The following MEI4 variants were observed in gnomAD, a reference collection of about 807,000 sequenced individuals.
MEI4 encodes the protein meiotic double-stranded break formation protein 4, also known as meiosis-specific protein MEI4.
Under a neutral mutation model 31.4 loss-of-function variants are expected in MEI4, and 27 were observed. The observed-to-expected ratio is 0.86, with a 90% CI of 0.63 to 1.19. MEI4 has a LOEUF of 1.19. Ranked by LOEUF, MEI4 falls within the 50% of genes most tolerant of loss-of-function variation. MEI4 has a pLI of 0.00. For missense variants in MEI4, 329 were observed against 398.9 expected (o/e 0.82, Z 1.49); for synonymous variants, 122 against 145.4 (o/e 0.84, Z 1.16).
At chr6:77,702,582 G>C (rs887869503) in intron 2 of MEI4, among the ~76,000 whole-genome samples, 14 of 151,982 alleles carry the variant, frequency 9.2e-5, no homozygotes, top group Middle Eastern at 3.2e-3. Flanking sequence ...CCATTTCCTT[G>C]GTCATACTTA....
Position 77,677,439 on chromosome 6 carries a change from C to T in MEI4, c.-14-13219C>T, listed in dbSNP as rs1041155688. On this transcript the variant is annotated intron_variant, in intron 1 of 4. Transcript: ENST00000684080. Reference sequence around the variant, plus strand: ...ATCACCGTCTAGATAGTTGTGCAAGCTGGAACTTGGGGGTCATTCTTGATA... The same window carrying T: ...ATCACCGTCTAGATAGTTGTGCAAGTTGGAACTTGGGGGTCATTCTTGATA... Among the ~76,000 whole-genome samples the T allele has an allele frequency of 3.3e-5, 5 of 152,128 alleles. No individual in the cohort carries two copies. In the South Asian group the frequency reaches 1.0e-3, roughly 31 times the overall value.
intron 4 of MEI4, among the ~76,000 whole-genome samples, chr6:77,857,226 T>C (rs1251429453): frequency 6.6e-6 from 1 of 152,196 alleles, no homozygotes; most frequent in Non-Finnish European, 1.5e-5. Context: ...CTCATTTTGG[T>C]AATTACTGAT....
At chr6:77,865,036 G>A (rs576940877) in intron 4 of MEI4, among the ~76,000 whole-genome samples, 1 of 152,164 alleles carries the variant, frequency 6.6e-6, no homozygotes, top group African/African-American at 2.4e-5. Context: ...AAACCAACGA[G>A]AACAAAGACA....
intron 3 of MEI4, among the ~76,000 whole-genome samples, chr6:77,782,754 G>T (rs1768626407): frequency 6.6e-6 from 1 of 152,138 alleles, no homozygotes; most frequent in African/African-American, 2.4e-5. Flanking sequence ...CATAGCCATT[G>T]CTGATACCTG....
At chr6:77,665,783 G>A (rs1279376451) in intron 1 of MEI4, among the ~76,000 whole-genome samples, 2 of 152,142 alleles carry the variant, frequency 1.3e-5, no homozygotes, top group Non-Finnish European at 2.9e-5. Context: ...AGATTGAAGA[G>A]TGGAAAGAAG....
intron 4 of MEI4, among the ~76,000 whole-genome samples, chr6:77,868,440 G>A (rs1771105629): frequency 1.4e-5 from 2 of 139,016 alleles, no homozygotes. Flanking sequence ...CAGAGCTTCT[G>A]TGAACAGATC....
intron 4 of MEI4, among the ~76,000 whole-genome samples, chr6:77,838,191 C>A (rs868844938): frequency 2.0e-5 from 3 of 151,960 alleles, no homozygotes; most frequent in African/African-American, 4.8e-5. Context: ...TTATGTTTGA[C>A]AATGGATGTT....
At chr6:77,842,862 A>G (rs1012460462) in intron 4 of MEI4, among the ~76,000 whole-genome samples, 1 of 152,110 alleles carries the variant, frequency 6.6e-6, no homozygotes, top group African/African-American at 2.4e-5. Flanking sequence ...TAAGCTACCA[A>G]AACTCCTTCA....
At chr6:77,733,440 G>T (rs1223067216) in intron 2 of MEI4, among the ~76,000 whole-genome samples, 1 of 151,988 alleles carries the variant, frequency 6.6e-6, no homozygotes, top group Non-Finnish European at 1.5e-5. Context: ...ATTCTCTGAT[G>T]GTAGTTTGTA....
intron 3 of MEI4, among the ~76,000 whole-genome samples, chr6:77,776,523 T>G (rs987281317): frequency 1.3e-5 from 2 of 152,118 alleles, no homozygotes; most frequent in Non-Finnish European, 2.9e-5. Context: ...TCTGGAAGAT[T>G]ATGAGAGGCA....
intron 2 of MEI4, among the ~76,000 whole-genome samples, chr6:77,707,106 G>T (rs1365489630): frequency 3.3e-5 from 5 of 152,012 alleles, no homozygotes; most frequent in Admixed American, 2.0e-4. Context: ...CTAAGGGAAA[G>T]TTTGGAACTT....
rs973244240 is a variant in MEI4, at chr6:77,761,438, T to A, written c.541T>A (p.Ser181Thr). 1.2e-5 allele frequency: 15 copies of A among 1,232,092 alleles called. No homozygotes were observed. The highest frequency in any genetic ancestry group is 1.5e-5 in the Non-Finnish European group (15 of 987,896). The allele number at this position is 1,232,092 out of a possible 1,614,324, so 76.3% of individuals were successfully genotyped here. ...CTTAACCCACTTTGAAAAAGACTCT[T>A]CCACAGTCTCTGATTCTGTTTTTCA... ...RDLTHFEKDSSTVSDSVFQLL... is the reference protein window; with the variant it reads ...RDLTHFEKDSTTVSDSVFQLL... Residue 181 changes from serine (S) to threonine (T), a missense_variant, in exon 3 of 5, where the codon TCC becomes ACC. Transcript: ENST00000684080.
intron 4 of MEI4, among the ~76,000 whole-genome samples, chr6:77,899,898 T>G (rs2127734764): frequency 6.6e-6 from 1 of 150,808 alleles, no homozygotes; most frequent in Admixed American, 6.6e-5. Context: ...TCTCTTTGAC[T>G]TAAATGTAAA....
intron 3 of MEI4, among the ~76,000 whole-genome samples, chr6:77,793,398 C>A (rs957116861): frequency 3.3e-5 from 5 of 152,100 alleles, no homozygotes; most frequent in Admixed American, 3.3e-4. Context: ...ATAGGGCGTT[C>A]TTTGGGTTGA....
intron 4 of MEI4, among the ~76,000 whole-genome samples, chr6:77,842,561 G>C (rs750692534): frequency 7.2e-5 from 11 of 152,090 alleles, no homozygotes; most frequent in Non-Finnish European, 1.6e-4. Flanking sequence ...ATGTTGAAAA[G>C]ATGAAAACAG....
intron 4 of MEI4, among the ~76,000 whole-genome samples, chr6:77,845,438 T>TC (rs1770460877): frequency 6.6e-6 from 1 of 152,180 alleles, no homozygotes; most frequent in Non-Finnish European, 1.5e-5. Flanking sequence ...GTCACCTTAT[T>TC]CACTGTATGA....
At chr6:77,893,209 A>C (rs1265063937) in intron 4 of MEI4, among the ~76,000 whole-genome samples, 1 of 152,094 alleles carries the variant, frequency 6.6e-6, no homozygotes, top group Non-Finnish European at 1.5e-5. Flanking sequence ...CTTTGTAGAG[A>C]AGGTGAGTGC....
chr6:77,813,267 G>A (rs1288467412), intron 3 of MEI4, among the ~76,000 whole-genome samples: 2 of 152,036 alleles, frequency 1.3e-5, no homozygotes, highest in African/African-American at 4.8e-5. Context: ...AGTTCTTAGT[G>A]ACTGCAGCTA....
At position 77,742,541 on chromosome 6, in the gene MEI4, T is replaced by G. The variant is rs1326524088; in HGVS notation, c.233-18589T>G. Reference sequence around the variant, plus strand: ...ATTAGCCCCTTGGTGAGATGAGTAGTTTGCGAAAATTTTCTCCCATTTTGT... The same window carrying G: ...ATTAGCCCCTTGGTGAGATGAGTAGGTTGCGAAAATTTTCTCCCATTTTGT... On this transcript the variant is annotated intron_variant, in intron 2 of 4. Coordinates refer to ENST00000684080, the MANE Select transcript of MEI4 (RefSeq NM_001322247.2). Among the ~76,000 whole-genome samples the G allele has an allele frequency of 4.6e-5, 7 of 152,300 alleles. No homozygotes were observed. The East Asian group carries it at 1.2e-3, about 25-fold the overall frequency.
Sources: allele counts gnomAD v4.1 joint callset (sites outside exome capture counted in the v4.1 genomes callset), GRCh38; gene constraint gnomAD v4.1.1; transcripts MANE v1.5; gene names NCBI Gene and HGNC (gene_info 2026-07-23, HGNC 2026-07-21).